Variants in GBF1 observed in about 807,000 individuals in gnomAD.
GBF1 encodes Golgi-specific brefeldin A-resistance guanine nucleotide exchange factor 1.
A neutral mutation model predicts 210.5 loss-of-function variants in GBF1; 114 were observed. That is an observed-to-expected ratio of 0.54 (90% CI 0.47 to 0.63). The LOEUF (loss-of-function observed/expected upper bound fraction) is 0.63, where lower values mean the gene tolerates loss of function less well. Among genes scored for constraint, GBF1 ranks in the 30% least tolerant of loss-of-function variants. GBF1 has a pLI of 0.00. For synonymous variants in GBF1, 850 were observed against 889.2 expected, an observed-to-expected ratio of 0.96 and a Z score of 0.78; for missense variants, 1,851 against 2,357.7, an observed-to-expected ratio of 0.79 and a Z score of 4.45.
intron 29 of GBF1, among the ~76,000 whole-genome samples, chr10:102,373,044 A>G (rs543912403): frequency 3.3e-5 from 5 of 152,352 alleles, no homozygotes; most frequent in Admixed American, 1.3e-4. Flanking sequence ...GTTTTGTTCT[A>G]TGAGAGCCTA....
intron 3 of GBF1, among the ~76,000 whole-genome samples, chr10:102,301,142 T>G (rs1355299416): frequency 6.6e-6 from 1 of 152,162 alleles, no homozygotes; most frequent in Non-Finnish European, 1.5e-5. Flanking sequence ...TCCGCAGTGT[T>G]TGTGTCCCTG....
Position 102,380,698 on chromosome 10 carries a change from A to G in GBF1, c.5173+12A>G. 6.3e-7 allele frequency: 1 copy of G among 1,587,576 alleles called. No homozygotes were observed. The stretch of plus-strand genomic sequence containing the variant: ...GACCGTCATCCAGGGTAGGGGGCTC[A>G]GCCCAGCTTTATCAAAAAGAGTCTC... On this transcript the variant is annotated intron_variant, in intron 38 of 39. Transcript: ENST00000369983.
In GBF1 at chr10:102,365,402, A is replaced by G; in HGVS notation, c.2112A>G (p.Leu704=). ...LIEIKNKKKL[L]ITGTEQFNQK... ...CTCTAGTTTTTCTCATGCAGCTGCT[A>G]ATCACTGGCACAGAGCAGTTCAATC... The change falls in exon 18 of 40, where the codon CTA becomes CTG. Residue 704 remains leucine (L), a synonymous_variant. Coordinates refer to ENST00000369983, the MANE Select transcript of GBF1 (RefSeq NM_001377137.1). 1 of 1,613,602 alleles carries G rather than the reference A, an allele frequency of 6.2e-7. No individual in the cohort carries two copies. The highest frequency in any genetic ancestry group is 8.5e-7 in the Non-Finnish European group (1 of 1,179,542).
intron 1 of GBF1, among the ~76,000 whole-genome samples, chr10:102,256,221 C>T (rs147859473): frequency 2.6e-5 from 4 of 152,162 alleles, no homozygotes; most frequent in Admixed American, 6.5e-5. Context: ...TTAGGGATTA[C>T]AGGTGTGAGC....
At chr10:102,269,930 G>A (rs1048857225) in intron 3 of GBF1, among the ~76,000 whole-genome samples, 3 of 151,172 alleles carry the variant, frequency 2.0e-5, no homozygotes, top group African/African-American at 7.3e-5. Context: ...CGCGGCTAGA[G>A]TGCAGTGGCG....
chr10:102,371,991 G>C (rs2135246365), intron 29 of GBF1, among the ~76,000 whole-genome samples: 1 of 151,860 alleles, frequency 6.6e-6, no homozygotes, highest in Non-Finnish European at 1.5e-5. Flanking sequence ...GCTGAGGCGG[G>C]TGGATCACGA....
At chr10:102,303,073 C>T (rs1012314769) in intron 3 of GBF1, among the ~76,000 whole-genome samples, 2 of 151,110 alleles carry the variant, frequency 1.3e-5, no homozygotes, top group Admixed American at 6.6e-5. Context: ...CTGCAACCTC[C>T]GCCTCCTGGG....
Position 102,365,557 on chromosome 10 carries a change from T to A in GBF1, c.2267T>A (p.Val756Glu). Residue 756 changes from valine to glutamate, a missense_variant, in exon 18 of 40, where the codon GTG becomes GAG. Coordinates refer to ENST00000369983, the MANE Select transcript of GBF1 (RefSeq NM_001377137.1). ...GACAAGAAGATGATTGGAGAGTTTGTGAGTGACCGCAAAAACATTGACCTG... is the reference window on the plus strand; with the variant it reads ...GACAAGAAGATGATTGGAGAGTTTGAGAGTGACCGCAAAAACATTGACCTG... ...RLDKKMIGEF[V>E]SDRKNIDLLE... is the part of the protein sequence containing the mutation. The A allele has an allele frequency of 6.2e-7, 1 of 1,614,148 alleles. No homozygotes were observed. Among genetic ancestry groups the A allele is most frequent in the Non-Finnish European group, 8.5e-7 (1 of 1,180,030 alleles).
At chr10:102,317,574 C>T (rs963531888) in intron 3 of GBF1, among the ~76,000 whole-genome samples, 39 of 152,184 alleles carry the variant, frequency 2.6e-4, no homozygotes, top group Non-Finnish European at 4.6e-4. Flanking sequence ...GCCAAAATCA[C>T]GTCATTGCAC....
intron 1 of GBF1, among the ~76,000 whole-genome samples, chr10:102,249,521 T>C (rs2071236455): frequency 6.6e-6 from 1 of 152,178 alleles, no homozygotes; most frequent in African/African-American, 2.4e-5. Context: ...ACCAGCTTTT[T>C]TCCCAGTTTA....
chr10:102,288,698 ACAGAGCGAGACTCCGTCT>A (rs1434800840), intron 3 of GBF1, among the ~76,000 whole-genome samples: 1 of 146,828 alleles, frequency 6.8e-6, no homozygotes, highest in Non-Finnish European at 1.5e-5. Context: ...GGCCTGGGCG[ACAGAGCGAGACTCCGTCT>A]CAAAGGAAAA....
chr10:102,321,939 G>C (rs1203917091), intron 3 of GBF1, among the ~76,000 whole-genome samples: 1 of 152,016 alleles, frequency 6.6e-6, no homozygotes, highest in African/African-American at 2.4e-5. Context: ...GCTCACTCTA[G>C]CCTCAACCTC....
intron 1 of GBF1, among the ~76,000 whole-genome samples, chr10:102,251,217 C>A (rs1358890525): frequency 6.6e-6 from 1 of 152,044 alleles, no homozygotes; most frequent in Non-Finnish European, 1.5e-5. Context: ...AATGTGGGTT[C>A]TTTTTACCTG....
intron 3 of GBF1, among the ~76,000 whole-genome samples, chr10:102,266,915 G>A (rs936329181): frequency 6.6e-6 from 1 of 152,202 alleles, no homozygotes; most frequent in Admixed American, 6.5e-5. Context: ...AAACACACCT[G>A]TAGGGTACTG....
chr10:102,309,307 C>G (rs1438175234), intron 3 of GBF1, among the ~76,000 whole-genome samples: 1 of 152,184 alleles, frequency 6.6e-6, no homozygotes, highest in Non-Finnish European at 1.5e-5. Flanking sequence ...TTCAGAGTCA[C>G]TCTTGAATAG....
intron 3 of GBF1, among the ~76,000 whole-genome samples, chr10:102,300,689 T>A (rs903679427): frequency 1.3e-5 from 2 of 152,212 alleles, no homozygotes; most frequent in South Asian, 2.1e-4. Context: ...GGCATTGGTT[T>A]AGCAGTGACT....
In GBF1 at chr10:102,362,650, G is replaced by A. The variant is rs751856596; in HGVS notation, c.1862G>A (p.Arg621Gln). ...AGCTGTGAGATAGTAGATGGCACCC[G>A]AGAAGCTAGCAATAGTGAGAGGCAT... is the stretch of plus-strand genomic sequence containing the variant. ...RPSCEIVDGT[R>Q]EASNTERTAS... Residue 621 changes from arginine to glutamine, a missense_variant, in exon 15 of 40, where the codon CGA becomes CAA. Physicochemically the swap from Arg to Gln is conservative, Grantham distance 43. Transcript: ENST00000369983. 8.7e-6 allele frequency: 14 copies of A among 1,613,346 alleles called. No individual in the cohort carries two copies. Among genetic ancestry groups the A allele is most frequent in the Middle Eastern group, 1.6e-4 (1 of 6,082 alleles).
At chr10:102,266,149 G>T (rs1334417590) in intron 3 of GBF1, among the ~76,000 whole-genome samples, 3 of 152,076 alleles carry the variant, frequency 2.0e-5, no homozygotes, top group African/African-American at 7.2e-5. Flanking sequence ...TGAGGCAGGA[G>T]AATGGCCTGA....
rs139599944 is a variant in GBF1 at position 102,368,230 on chromosome 10, T to A, written c.2655T>A (p.Ile885=). The part of the protein sequence containing the change: ...DMYHAIKNEE[I]VMPEEQTGLV... ...TACCTCCTGACAGGAATGAGGAAAT[T>A]GTAATGCCTGAGGAGCAGACAGGCT... The change falls in exon 22 of 40, where the codon ATT becomes ATA. Residue 885 remains isoleucine, a synonymous_variant. Transcript: ENST00000369983. 11 of 1,611,986 alleles carry A rather than the reference T, an allele frequency of 6.8e-6. No individual in the cohort carries two copies. The highest frequency in any genetic ancestry group is 9.3e-6 in the Non-Finnish European group (11 of 1,178,190).
Sources: gnomAD v4.1 joint callset for allele counts (sites outside exome capture counted in the v4.1 genomes callset) on GRCh38, gnomAD v4.1.1 for gene constraint, MANE v1.5 for transcripts, NCBI Gene and HGNC (gene_info 2026-07-23, HGNC 2026-07-21) for gene names.